SPMAP1: variants seen among roughly 807,000 people sequenced by gnomAD.
SPMAP1 encodes uncharacterized protein C17orf98.
the SPMAP1 span, among the ~76,000 whole-genome samples, chr17:38,839,969 C>T: frequency 0.068 from 10,310 of 152,166 alleles, 728 homozygotes; most frequent in East Asian, 0.37. Flanking sequence ...CTGTCTCTTC[C>T]CCACACCGCT....
the SPMAP1 span, among the ~76,000 whole-genome samples, chr17:38,839,660 C>A: frequency 6.6e-6 from 1 of 151,420 alleles, no homozygotes; most frequent in Non-Finnish European, 1.5e-5. Context: ...GACGGGCGGG[C>A]GTGGTGGCGG....
the SPMAP1 span, chr17:38,835,409 C>T: frequency 1.3e-6 from 2 of 1,577,334 alleles, no homozygotes; most frequent in Non-Finnish European, 1.7e-6. Flanking sequence ...TTCCCCATTC[C>T]CCTGGGTGTG....
chr17:38,838,656 A>G, the SPMAP1 span, among the ~76,000 whole-genome samples: 30 of 152,050 alleles, frequency 2.0e-4, no homozygotes, highest in African/African-American at 7.2e-4. Flanking sequence ...GCACACGCCT[A>G]TAGTCCCAGC....
the SPMAP1 span, chr17:38,841,231 G>C: frequency 1.9e-6 from 3 of 1,614,194 alleles, no homozygotes; most frequent in Non-Finnish European, 2.5e-6. Context: ...TCTGGAAGTA[G>C]CTGCGGGCGT....
the SPMAP1 span, among the ~76,000 whole-genome samples, chr17:38,838,975 A>G: frequency 6.6e-6 from 1 of 150,572 alleles, no homozygotes; most frequent in Non-Finnish European, 1.5e-5. Flanking sequence ...AATCTCAGCT[A>G]TTCAGGAGGC....
At chr17:38,841,417 T>G in the SPMAP1 span, 6 of 1,608,762 alleles carry the variant, frequency 3.7e-6, no homozygotes, top group African/African-American at 1.3e-5. Flanking sequence ...CGGAGGGCCT[T>G]TCTGGTGGGG....
chr17:38,839,975 C>A, the SPMAP1 span, among the ~76,000 whole-genome samples: 1 of 152,144 alleles, frequency 6.6e-6, no homozygotes, highest in Non-Finnish European at 1.5e-5. Context: ...CTTCCCCACA[C>A]CGCTTATACG....
the SPMAP1 span, among the ~76,000 whole-genome samples, chr17:38,837,786 G>A: frequency 1.3e-5 from 2 of 152,156 alleles, no homozygotes; most frequent in African/African-American, 4.8e-5. Flanking sequence ...TGCCAGACAG[G>A]CTGGGTTCTA....
chr17:38,840,626 A>G, the SPMAP1 span, among the ~76,000 whole-genome samples: 4,330 of 126,382 alleles, frequency 0.034, 219 homozygotes, highest in East Asian at 0.21. Flanking sequence ...ACAAAAAAAA[A>G]AAAAAAAAAA....
At chr17:38,838,544 G>T in the SPMAP1 span, among the ~76,000 whole-genome samples, 1 of 152,130 alleles carries the variant, frequency 6.6e-6, no homozygotes, top group African/African-American at 2.4e-5. Context: ...AGGTTGAAGT[G>T]AGCTGAGATC....
At chr17:38,841,107 G>A in the SPMAP1 span, 3 of 1,058,816 alleles carry the variant, frequency 2.8e-6, no homozygotes, top group Non-Finnish European at 4.1e-6. Context: ...TGAAAGTGGC[G>A]GAGCCTTCTT....
the SPMAP1 span, chr17:38,835,270 C>G: frequency 1.2e-6 from 2 of 1,614,178 alleles, no homozygotes; most frequent in South Asian, 1.1e-5. Context: ...GGTAGCCAAA[C>G]CTTCCATTGA....
At chr17:38,839,686 G>A in the SPMAP1 span, among the ~76,000 whole-genome samples, 1 of 151,900 alleles carries the variant, frequency 6.6e-6, no homozygotes, top group African/African-American at 2.4e-5. Context: ...TGTAGTCCCA[G>A]CTACTTGGGA....
the SPMAP1 span, among the ~76,000 whole-genome samples, chr17:38,838,665 G>A: frequency 1.3e-5 from 2 of 152,200 alleles, no homozygotes; most frequent in African/African-American, 4.8e-5. Context: ...TATAGTCCCA[G>A]CTACTCAGGA....
chr17:38,837,685 A>G, the SPMAP1 span, among the ~76,000 whole-genome samples: 2 of 151,848 alleles, frequency 1.3e-5, no homozygotes, highest in African/African-American at 2.4e-5. Context: ...TCTAAAAAAA[A>G]AAAAAAAGAA....
chr17:38,840,433 T>A, the SPMAP1 span, among the ~76,000 whole-genome samples: 1 of 151,712 alleles, frequency 6.6e-6, no homozygotes, highest in African/African-American at 2.4e-5. Context: ...CTGGAATGAG[T>A]CTATTCTCAA....
the SPMAP1 span, chr17:38,841,334 C>T: frequency 6.2e-7 from 1 of 1,614,102 alleles, no homozygotes; most frequent in African/African-American, 1.3e-5. Flanking sequence ...CACAGCCACC[C>T]CGTCCAAGAT....
At chr17:38,840,835 C>T in the SPMAP1 span, among the ~76,000 whole-genome samples, 70,623 of 150,362 alleles carry the variant, frequency 0.47, 17,730 homozygotes, top group Middle Eastern at 0.67. Flanking sequence ...TGGCGAAACC[C>T]CGTCTCTACC....
At chr17:38,840,509 C>G in the SPMAP1 span, among the ~76,000 whole-genome samples, 2 of 151,246 alleles carry the variant, frequency 1.3e-5, no homozygotes, top group African/African-American at 4.9e-5. Flanking sequence ...CCTCCCTTTC[C>G]TCCAGTCCTC....
Sources: allele counts gnomAD v4.1 joint callset (sites outside exome capture counted in the v4.1 genomes callset), GRCh38; gene constraint gnomAD v4.1.1; transcripts MANE v1.5; gene names NCBI Gene and HGNC (gene_info 2026-07-23, HGNC 2026-07-21).